IKZF1: variants seen among roughly 807,000 people sequenced by gnomAD.
The protein encoded by IKZF1 is DNA-binding protein Ikaros.
In IKZF1, 10 loss-of-function variants were observed where a neutral mutation model predicts 51.7. The ratio of observed to expected loss-of-function variants is 0.19; its 90% CI spans 0.12 to 0.33. The LOEUF (loss-of-function observed/expected upper bound fraction) is 0.33, where lower values mean the gene tolerates loss of function less well. IKZF1 is among the 10% of genes least tolerant of loss of function. The probability of loss-of-function intolerance (pLI) is 1.00; values close to 1 mark genes in which losing one functional copy is unlikely to be tolerated. For synonymous variants in IKZF1, 280 were observed against 282.3 expected (o/e 0.99, Z 0.08); for missense variants, 484 against 707.5 (o/e 0.68, Z 3.58).
intron 3 of IKZF1, among the ~76,000 whole-genome samples, chr7:50,340,178 T>C (rs1272341407): frequency 6.6e-6 from 1 of 152,234 alleles, no homozygotes; most frequent in African/African-American, 2.4e-5. Flanking sequence ...CTGGGGATTG[T>C]ATTTTTGTGC....
At chr7:50,368,391 G>A (rs1249985032) in intron 3 of IKZF1, 4 of 653,378 alleles carry the variant, frequency 6.1e-6, no homozygotes, top group Non-Finnish European at 1.1e-5. Flanking sequence ...TGAGTGTGAG[G>A]ATAAAATGGC....
At chr7:50,355,371 A>T (rs1447307514) in intron 3 of IKZF1, among the ~76,000 whole-genome samples, 2 of 152,184 alleles carry the variant, frequency 1.3e-5, no homozygotes, top group African/African-American at 4.8e-5. Flanking sequence ...GAGAGCAGTC[A>T]GTGTCATGTA....
At chr7:50,380,887 C>T (rs756130674) in intron 4 of IKZF1, among the ~76,000 whole-genome samples, 2 of 152,216 alleles carry the variant, frequency 1.3e-5, no homozygotes, top group Non-Finnish European at 2.9e-5. Context: ...GATTTACATG[C>T]ATCGGTTTGT....
rs927328010 is a variant in IKZF1, at chr7:50,401,234, C to T, written c.*607C>T. 1 of 232,784 alleles carries T rather than the reference C, an allele frequency of 4.3e-6. No homozygotes were observed. The highest frequency in any genetic ancestry group is 2.2e-5 in the African/African-American group (1 of 45,180). 14.4% of individuals were successfully genotyped at this position (232,784 alleles called of 1,614,324 possible). A position where few individuals can be genotyped will look rare whatever the true frequency, so the allele number is the denominator to read the frequency against. On this transcript the variant is annotated 3_prime_UTR_variant, in exon 8 of 8. Coordinates refer to ENST00000331340, the MANE Select transcript of IKZF1 (RefSeq NM_006060.6). Reference sequence around the variant, plus strand: ...AGAAAATACTATTTCAAGTCATATTCTGCGTAGGAAAATGAATTGGTTGGG... The same window carrying T: ...AGAAAATACTATTTCAAGTCATATTTTGCGTAGGAAAATGAATTGGTTGGG...
chr7:50,397,487 C>T (rs1451821017), intron 7 of IKZF1, among the ~76,000 whole-genome samples: 1 of 152,182 alleles, frequency 6.6e-6, no homozygotes, highest in East Asian at 1.9e-4. Flanking sequence ...TGGGAAACCA[C>T]AGAACCATGA....
intron 7 of IKZF1, among the ~76,000 whole-genome samples, chr7:50,398,836 T>C (rs759872120): frequency 1.3e-4 from 20 of 152,254 alleles, no homozygotes; most frequent in Non-Finnish European, 2.6e-4. Context: ...GTCTTGCCAG[T>C]AAGAGTGCAG....
Position 50,376,449 on chromosome 7 carries a change from T to G in IKZF1, c.161-84T>G, listed in dbSNP as rs1810314693. The G allele has an allele frequency of 7.0e-6, 11 of 1,564,620 alleles. No individual in the cohort carries two copies. The South Asian group carries it at 1.2e-4, about 17-fold the overall frequency. On this transcript the variant is annotated intron_variant, in intron 3 of 7. Coordinates refer to ENST00000331340, the MANE Select transcript of IKZF1 (RefSeq NM_006060.6). The surrounding 1 kb of genome is among the most constrained non-coding windows in gnomAD (Gnocchi z 4.5). ...TGTTTAGTAGCTCTCCACACCTATT[T>G]GATTGTCTTTTTGCTGCTGTGTTGT... is the stretch of plus-strand genomic sequence containing the variant.
chr7:50,323,260 T>A (rs985699173), intron 2 of IKZF1, among the ~76,000 whole-genome samples: 28 of 152,284 alleles, frequency 1.8e-4, no homozygotes, highest in African/African-American at 6.7e-4. Context: ...TGACCGGAAG[T>A]CCAACAGGGA....
At chr7:50,333,922 G>C (rs1473461577) in intron 3 of IKZF1, among the ~76,000 whole-genome samples, 2 of 152,206 alleles carry the variant, frequency 1.3e-5, no homozygotes, top group African/African-American at 4.8e-5. Flanking sequence ...AGATGATCCC[G>C]GTTGGAAAGC....
intron 3 of IKZF1, among the ~76,000 whole-genome samples, chr7:50,329,820 C>T (rs747809957): frequency 6.2e-4 from 94 of 152,168 alleles, no homozygotes; most frequent in Non-Finnish European, 1.1e-3. Context: ...GAGGCCAGCT[C>T]GGGTCGCTGT....
At chr7:50,315,493 G>A (rs1176299133) in intron 1 of IKZF1, among the ~76,000 whole-genome samples, 1 of 152,176 alleles carries the variant, frequency 6.6e-6, no homozygotes, top group Non-Finnish European at 1.5e-5. Flanking sequence ...TTCCCCTTGT[G>A]CAAGATTCAG....
At chr7:50,360,423 C>T (rs1804854412) in intron 3 of IKZF1, among the ~76,000 whole-genome samples, 1 of 152,144 alleles carries the variant, frequency 6.6e-6, no homozygotes, top group Admixed American at 6.6e-5. Context: ...TGTTTGTTCT[C>T]ATTTGAAGTC....
At position 50,401,710 on chromosome 7, in the gene IKZF1, T is replaced by C. The variant is rs1818158119; in HGVS notation, c.*1083T>C. On this transcript the variant is annotated 3_prime_UTR_variant, in exon 8 of 8. Coordinates refer to ENST00000331340, the MANE Select transcript of IKZF1 (RefSeq NM_006060.6). ...CTGAATTTCTCAGTGTTGGTAAGTT[T>C]CTTTACCTACCCTCACTATATATTA... 4.6e-6 allele frequency: 1 copy of C among 218,596 alleles called. No individual in the cohort carries two copies. Among genetic ancestry groups the C allele is most frequent in the Non-Finnish European group, 9.2e-6 (1 of 108,814 alleles). 13.5% of individuals were successfully genotyped at this position (218,596 alleles called of 1,614,324 possible).
intron 3 of IKZF1, among the ~76,000 whole-genome samples, chr7:50,371,125 G>A (rs1808538300): frequency 1.3e-5 from 2 of 152,168 alleles, no homozygotes; most frequent in Non-Finnish European, 2.9e-5. Flanking sequence ...TTTAAGGAGT[G>A]GCAGTTGTTA....
intron 4 of IKZF1, among the ~76,000 whole-genome samples, chr7:50,382,077 G>A (rs1277703540): frequency 2.6e-5 from 4 of 152,112 alleles, no homozygotes; most frequent in South Asian, 4.1e-4. Context: ...AGAATGTAAC[G>A]CTGAAATGAA....
At chr7:50,362,327 A>G (rs1181650656) in intron 3 of IKZF1, among the ~76,000 whole-genome samples, 1 of 152,242 alleles carries the variant, frequency 6.6e-6, no homozygotes, top group Non-Finnish European at 1.5e-5. Flanking sequence ...ATTGCCAGAT[A>G]GAGTAAGTGT....
intron 7 of IKZF1, among the ~76,000 whole-genome samples, chr7:50,395,365 T>A (rs1273490998): frequency 2.0e-5 from 3 of 152,184 alleles, no homozygotes; most frequent in Non-Finnish European, 4.4e-5. Flanking sequence ...ATTTTAAATA[T>A]CCTCTGACAT....
intron 2 of IKZF1, among the ~76,000 whole-genome samples, chr7:50,325,066 A>G (rs977832183): frequency 6.6e-6 from 1 of 152,062 alleles, no homozygotes; most frequent in Admixed American, 6.5e-5. Context: ...ATGTTTACTC[A>G]TTGGGATAGC....
chr7:50,312,833 T>C (rs564273868), intron 1 of IKZF1, among the ~76,000 whole-genome samples: 5 of 152,346 alleles, frequency 3.3e-5, no homozygotes, highest in African/African-American at 1.2e-4. Flanking sequence ...TTTCTGTGGC[T>C]CAGTTAAATG....
Sources: gnomAD v4.1 joint callset for allele counts (sites outside exome capture counted in the v4.1 genomes callset) on GRCh38, gnomAD v4.1.1 for gene constraint, Gnocchi (gnomAD v3.1) non-coding constraint, MANE v1.5 for transcripts, NCBI Gene and HGNC (gene_info 2026-07-23, HGNC 2026-07-21) for gene names.